Variants in SLC2A9 observed in about 807,000 individuals in gnomAD.
SLC2A9 encodes the protein solute carrier family 2 member 9, also known as solute carrier family 2, facilitated glucose transporter member 9.
In SLC2A9, 39 loss-of-function variants were observed where a neutral mutation model predicts 50.6. The observed-to-expected ratio is 0.77, with a 90% CI of 0.60 to 1.01. The LOEUF (loss-of-function observed/expected upper bound fraction) is 1.01. Among genes scored for constraint, SLC2A9 ranks in the 50% least tolerant of loss-of-function variants. The pLI, the probability that SLC2A9 is intolerant of heterozygous loss-of-function variation, is 0.00. For missense variants in SLC2A9, 686 were observed against 677.6 expected, an observed-to-expected ratio of 1.01 and a Z score of -0.14; for synonymous variants, 324 against 276.9, an observed-to-expected ratio of 1.17 and a Z score of -1.69.
chr4:9,883,411 C>T (rs544119265), intron 10 of SLC2A9, among the ~76,000 whole-genome samples: 1 of 152,352 alleles, frequency 6.6e-6, no homozygotes, highest in East Asian at 1.9e-4. Flanking sequence ...AGCTCCAACA[C>T]TCACTAGCTG....
intron 10 of SLC2A9, among the ~76,000 whole-genome samples, chr4:9,870,962 G>A (rs1733334228): frequency 6.6e-6 from 1 of 152,160 alleles, no homozygotes; most frequent in African/African-American, 2.4e-5. Context: ...TGTCACCCCA[G>A]TTGCAGTACA....
At chr4:9,939,085 T>C (rs951831872) in intron 6 of SLC2A9, among the ~76,000 whole-genome samples, 1 of 152,112 alleles carries the variant, frequency 6.6e-6, no homozygotes, top group Non-Finnish European at 1.5e-5. Context: ...GCCAATAGGA[T>C]TTTAGGAGAT....
At chr4:9,835,944 G>A (rs1727003894) in intron 10 of SLC2A9, among the ~76,000 whole-genome samples, 1 of 151,792 alleles carries the variant, frequency 6.6e-6, no homozygotes, top group Non-Finnish European at 1.5e-5. Context: ...AAAATTAGCT[G>A]GGCGTGGTGG....
At chr4:9,830,314 G>A (rs1025925261) in intron 11 of SLC2A9, among the ~76,000 whole-genome samples, 4 of 152,184 alleles carry the variant, frequency 2.6e-5, no homozygotes, top group African/African-American at 7.2e-5. Context: ...GCTGAACAAC[G>A]AGAACACATG....
At chr4:9,863,426 GC>G (rs906171043) in intron 10 of SLC2A9, among the ~76,000 whole-genome samples, 7 of 152,070 alleles carry the variant, frequency 4.6e-5, no homozygotes, top group Non-Finnish European at 8.8e-5. Flanking sequence ...GAGCCACTGT[GC>G]CCAGCTAAAA....
In SLC2A9 at chr4:9,826,440, A is replaced by AT; in HGVS notation, c.1579dup (p.Ile527AsnfsTer7). The AT allele has an allele frequency of 6.2e-7, 1 of 1,613,934 alleles. No individual in the cohort carries two copies. The highest frequency in any genetic ancestry group is 8.5e-7 in the Non-Finnish European group (1 of 1,179,952). On this transcript the variant is annotated frameshift_variant, in exon 12 of 12. Coordinates refer to ENST00000264784, the MANE Select transcript of SLC2A9 (RefSeq NM_020041.3). LOFTEE classifies it low-confidence loss of function (END_TRUNC). ...CTTACCATCAGTGACAGCTGAGTCG[A>AT]TTTTCTCTTCTGGTGGGTATGCTTT...
intron 3 of SLC2A9, among the ~76,000 whole-genome samples, chr4:9,792,159 G>GT (rs1228816556): frequency 5.5e-4 from 52 of 94,582 alleles, no homozygotes; most frequent in African/African-American, 1.6e-3. Flanking sequence ...TCTATTCTAT[G>GT]TTTCTTTTTT....
intron 8 of SLC2A9, among the ~76,000 whole-genome samples, chr4:9,902,651 G>C (rs1739861082): frequency 6.6e-6 from 1 of 152,182 alleles, no homozygotes; most frequent in African/African-American, 2.4e-5. Context: ...GGCTTCTAGT[G>C]TGTTTTGGCT....
chr4:9,835,721 A>C (rs1726945332), intron 10 of SLC2A9, among the ~76,000 whole-genome samples: 2 of 152,178 alleles, frequency 1.3e-5, no homozygotes. Flanking sequence ...GAGTCCAGGA[A>C]TGGAAAACCA....
At chr4:9,824,926 T>C (rs988616325), downstream of SLC2A9, among the ~76,000 whole-genome samples, 2 of 152,308 alleles carry the variant, frequency 1.3e-5, no homozygotes, top group Admixed American at 6.5e-5. Context: ...GCATAGTGCA[T>C]TGAGTTGGCA....
chr4:9,950,426 A>G (rs1750008733), intron 5 of SLC2A9, among the ~76,000 whole-genome samples: 1 of 152,174 alleles, frequency 6.6e-6, no homozygotes, highest in African/African-American at 2.4e-5. Flanking sequence ...CCCTATTCCT[A>G]AAACATTTTC....
At chr4:9,774,629 A>G (rs4096272) in intron 1 of SLC2A9, among the ~76,000 whole-genome samples, 5 of 152,146 alleles carry the variant, frequency 3.3e-5, no homozygotes, top group African/African-American at 1.2e-4. Flanking sequence ...GCTAAAGGGT[A>G]ACTTATTGAC....
chr4:9,953,111 TAA>T, intron 5 of SLC2A9, among the ~76,000 whole-genome samples: 1 of 152,372 alleles, frequency 6.6e-6, no homozygotes, highest in Middle Eastern at 3.4e-3. Context: ...CTTCAGATCC[TAA>T]AAGTCTTTTA....
At chr4:9,899,533 T>G (rs1739211884) in intron 8 of SLC2A9, among the ~76,000 whole-genome samples, 1 of 152,208 alleles carries the variant, frequency 6.6e-6, no homozygotes, top group Non-Finnish European at 1.5e-5. Flanking sequence ...AAATTTATGT[T>G]CAGAGGACAG....
chr4:9,864,130 C>T (rs1732075518), intron 10 of SLC2A9, among the ~76,000 whole-genome samples: 1 of 152,074 alleles, frequency 6.6e-6, no homozygotes, highest in Non-Finnish European at 1.5e-5. Flanking sequence ...CTGGACTTGT[C>T]TGCCCCTTTC....
chr4:9,847,948 T>G (rs1472518921), intron 10 of SLC2A9, among the ~76,000 whole-genome samples: 2 of 152,192 alleles, frequency 1.3e-5, no homozygotes, highest in African/African-American at 4.8e-5. Flanking sequence ...CCAGAGACAC[T>G]GCAAAAGTTA....
chr4:9,889,442 A>G (rs1338867378), intron 9 of SLC2A9, among the ~76,000 whole-genome samples: 1 of 152,230 alleles, frequency 6.6e-6, no homozygotes, highest in Non-Finnish European at 1.5e-5. Flanking sequence ...GGCCTGGAAC[A>G]TCGCCTAACT....
intron 3 of SLC2A9, among the ~76,000 whole-genome samples, chr4:9,793,480 A>C (rs897574144): frequency 1.3e-5 from 2 of 152,226 alleles, no homozygotes; most frequent in Non-Finnish European, 2.9e-5. Flanking sequence ...TTTCCACATA[A>C]AAGAAGTTGA....
intron 10 of SLC2A9, among the ~76,000 whole-genome samples, chr4:9,887,309 G>T (rs141854604): frequency 1.3e-5 from 2 of 152,312 alleles, no homozygotes; most frequent in East Asian, 1.9e-4. Flanking sequence ...GCCCTCCCGC[G>T]TATGAACTGC....
Sources: allele counts gnomAD v4.1 joint callset (sites outside exome capture counted in the v4.1 genomes callset), GRCh38; gene constraint gnomAD v4.1.1; transcripts MANE v1.5; gene names NCBI Gene and HGNC (gene_info 2026-07-23, HGNC 2026-07-21).